FILIP1: variants seen among roughly 807,000 people sequenced by gnomAD.
The protein encoded by FILIP1 is filamin-A-interacting protein 1.
FILIP1 carries 61 observed loss-of-function variants against 102.1 expected under a neutral mutation model. The ratio of observed to expected loss-of-function variants is 0.60; its 90% CI spans 0.49 to 0.74. The LOEUF (loss-of-function observed/expected upper bound fraction) is 0.74. Among genes scored for constraint, FILIP1 ranks in the 30% least tolerant of loss-of-function variants. The pLI, the probability that FILIP1 is intolerant of heterozygous loss-of-function variation, is 0.00. For missense variants in FILIP1, 1,314 were observed against 1,441.2 expected (o/e 0.91, Z 1.43); for synonymous variants, 491 against 526.9 (o/e 0.93, Z 0.93).
chr6:75,302,833 T>C (rs199865360), intron 6 of FILIP1, among the ~76,000 whole-genome samples: 2 of 145,296 alleles, frequency 1.4e-5, no homozygotes, highest in Admixed American at 7.6e-5. Context: ...CATGATATGA[T>C]ATGATATGAT....
chr6:75,454,534 T>C (rs1778756711), intron 1 of FILIP1, among the ~76,000 whole-genome samples: 3 of 152,152 alleles, frequency 2.0e-5, no homozygotes, highest in Non-Finnish European at 2.9e-5. Context: ...GATTAAGGTG[T>C]GGACATCTTC....
At chr6:75,393,265 C>T (rs923075740) in intron 2 of FILIP1, among the ~76,000 whole-genome samples, 3 of 152,084 alleles carry the variant, frequency 2.0e-5, no homozygotes, top group African/African-American at 7.2e-5. Context: ...GACATAATGA[C>T]ATTTTTAAAT....
chr6:75,443,222 A>T (rs1778331771), intron 1 of FILIP1, among the ~76,000 whole-genome samples: 1 of 152,314 alleles, frequency 6.6e-6, no homozygotes, highest in Non-Finnish European at 1.5e-5. Flanking sequence ...TCCAAATTAT[A>T]CTATTTATTT....
intron 2 of FILIP1, among the ~76,000 whole-genome samples, chr6:75,389,121 G>T (rs1776198840): frequency 6.6e-6 from 1 of 152,288 alleles, no homozygotes; most frequent in Middle Eastern, 3.4e-3. Flanking sequence ...TGCATCTATT[G>T]AGTTAATCAT....
intron 2 of FILIP1, among the ~76,000 whole-genome samples, chr6:75,375,730 A>T (rs907951813): frequency 2.4e-4 from 36 of 152,242 alleles, no homozygotes; most frequent in African/African-American, 8.7e-4. Flanking sequence ...GTCTAGCCAG[A>T]ATTTATACGA....
At chr6:75,332,177 G>A (rs1176460529) in intron 4 of FILIP1, among the ~76,000 whole-genome samples, 1 of 152,090 alleles carries the variant, frequency 6.6e-6, no homozygotes, top group Non-Finnish European at 1.5e-5. Flanking sequence ...GTAGTCTCAT[G>A]GGCTCTTCTT....
intron 6 of FILIP1, among the ~76,000 whole-genome samples, chr6:75,298,392 AAAG>A (rs1772743707): frequency 6.6e-6 from 1 of 152,256 alleles, no homozygotes; most frequent in African/African-American, 2.4e-5. Flanking sequence ...ACTTTATTTA[AAAG>A]AATACAATTA....
chr6:75,311,658 A>G (rs1225546077), intron 5 of FILIP1, among the ~76,000 whole-genome samples: 1 of 152,000 alleles, frequency 6.6e-6, no homozygotes, highest in African/African-American at 2.4e-5. Context: ...CATCATGCTC[A>G]GCTAATTTTT....
intron 2 of FILIP1, among the ~76,000 whole-genome samples, chr6:75,377,124 A>G (rs975615763): frequency 1.3e-5 from 2 of 152,234 alleles, no homozygotes; most frequent in African/African-American, 2.4e-5. Context: ...GATTTAGGAA[A>G]GGAAAATAAA....
chr6:75,366,241 T>A (rs574057884), intron 2 of FILIP1, among the ~76,000 whole-genome samples: 2 of 152,304 alleles, frequency 1.3e-5, no homozygotes, highest in South Asian at 4.1e-4. Context: ...TGAAAAAGTG[T>A]TTGTCCTTAG....
At chr6:75,332,848 T>C (rs555167838) in intron 4 of FILIP1, among the ~76,000 whole-genome samples, 42 of 152,280 alleles carry the variant, frequency 2.8e-4, no homozygotes, top group African/African-American at 9.9e-4. Flanking sequence ...TTTCTGAGAC[T>C]AGTCAAAGAA....
Position 75,470,808 on chromosome 6 carries a change from G to A in FILIP1, c.-7+22606C>T, listed in dbSNP as rs184039873. Among the ~76,000 whole-genome samples the A allele has an allele frequency of 1.3e-4, 20 of 152,154 alleles. 2 individuals are homozygous for A. Among genetic ancestry groups the A allele is most frequent in the Admixed American group, 1.1e-3 (17 of 15,270 alleles). ...AGTAGAAAATGTAGGCAAATATGTG[G>A]TGCCTTAGAGTCAGGAAGACCTTCT... On this transcript the variant is annotated intron_variant, in intron 1 of 5. Coordinates refer to ENST00000237172, the MANE Select transcript of FILIP1 (RefSeq NM_015687.5).
intron 1 of FILIP1, among the ~76,000 whole-genome samples, chr6:75,444,822 A>G (rs1478116199): frequency 6.6e-6 from 1 of 152,230 alleles, no homozygotes; most frequent in Non-Finnish European, 1.5e-5. Flanking sequence ...AAAAAAATTC[A>G]TAAGTTCTAG....
chr6:75,390,518 G>A (rs1201554397), intron 2 of FILIP1, among the ~76,000 whole-genome samples: 2 of 152,118 alleles, frequency 1.3e-5, no homozygotes, highest in Non-Finnish European at 2.9e-5. Flanking sequence ...AAAGCAAAGA[G>A]GGAGCAGGCA....
chr6:75,392,297 T>G (rs140915654), intron 2 of FILIP1, among the ~76,000 whole-genome samples: 359 of 152,232 alleles, frequency 2.4e-3, no homozygotes, highest in Middle Eastern at 6.8e-3. Context: ...ACTTCCAAAT[T>G]GACAACTCCA....
At chr6:75,451,258 T>C (rs527354060) in intron 1 of FILIP1, among the ~76,000 whole-genome samples, 4 of 148,408 alleles carry the variant, frequency 2.7e-5, no homozygotes, top group Non-Finnish European at 5.9e-5. Context: ...TTATATATTA[T>C]ACATATATGT....
chr6:75,304,848 C>T (rs1772936615), downstream of FILIP1, among the ~76,000 whole-genome samples: 1 of 152,140 alleles, frequency 6.6e-6, no homozygotes, highest in South Asian at 2.1e-4. Flanking sequence ...TTTTCATTGT[C>T]TTTTAGCTCT....
chr6:75,346,476 G>A (rs1443590634), intron 4 of FILIP1, among the ~76,000 whole-genome samples: 1 of 152,186 alleles, frequency 6.6e-6, no homozygotes, highest in African/African-American at 2.4e-5. Context: ...CTGGTGAAAT[G>A]AACCTCAAGG....
chr6:75,359,907 T>A (rs1398095207), intron 3 of FILIP1, among the ~76,000 whole-genome samples: 1 of 152,134 alleles, frequency 6.6e-6, no homozygotes, highest in Non-Finnish European at 1.5e-5. Flanking sequence ...AAAGAGGTCT[T>A]AAATACTCAG....
Sources: allele counts gnomAD v4.1 joint callset (sites outside exome capture counted in the v4.1 genomes callset), GRCh38; gene constraint gnomAD v4.1.1; transcripts MANE v1.5; gene names NCBI Gene and HGNC (gene_info 2026-07-23, HGNC 2026-07-21).